GNG12: variants seen among roughly 807,000 people sequenced by gnomAD.
The protein encoded by GNG12 is G protein subunit gamma 12.
For synonymous variants in GNG12, 28 were observed against 29.7 expected, an observed-to-expected ratio of 0.94 and a Z score of 0.19; for missense variants, 69 against 83.8, an observed-to-expected ratio of 0.82 and a Z score of 0.69.
chr1:67,777,837 A>G (rs1293667769), intron 1 of GNG12, among the ~76,000 whole-genome samples: 1 of 152,104 alleles, frequency 6.6e-6, no homozygotes, highest in African/African-American at 2.4e-5. Flanking sequence ...TCTTTATGCT[A>G]GGGCCCAGCC....
chr1:67,803,239 C>T (rs555144349), intron 1 of GNG12, among the ~76,000 whole-genome samples: 4 of 152,266 alleles, frequency 2.6e-5, no homozygotes, highest in African/African-American at 9.6e-5. Context: ...GTTGGTTGGG[C>T]ACAGTGGCTC....
At chr1:67,816,775 C>T (rs1646955809) in intron 1 of GNG12, among the ~76,000 whole-genome samples, 1 of 152,186 alleles carries the variant, frequency 6.6e-6, no homozygotes, top group African/African-American at 2.4e-5. Context: ...CACCCGACAA[C>T]TCCCAGCTCA....
chr1:67,759,960 G>A (rs1254287736), intron 2 of GNG12, among the ~76,000 whole-genome samples: 1 of 152,180 alleles, frequency 6.6e-6, no homozygotes, highest in Non-Finnish European at 1.5e-5. Context: ...ACTGTTTAAG[G>A]GGCTATTTAA....
At chr1:67,705,621 C>T (rs1215867650) in intron 3 of GNG12, 45 bp from the exon 4 acceptor site, 1 of 1,587,134 alleles carries the variant, frequency 6.3e-7, no homozygotes, top group Non-Finnish European at 8.6e-7. Context: ...AAATATTTTA[C>T]TTGCACACTT....
rs185123152 is a variant in GNG12 at position 67,739,052 on chromosome 1, G to A, written c.-26-31340C>T. On this transcript the variant is annotated intron_variant, in intron 2 of 3. Transcript: ENST00000370982. ...AAATTAGCTGGGCGTGGTGGCAGGC[G>A]TCTGTAGTCCCAGCTACTTGGGAGG... Among the ~76,000 whole-genome samples, 11 of 152,220 alleles carry A rather than the reference G, an allele frequency of 7.2e-5. No homozygotes were observed. In the East Asian group the frequency reaches 1.5e-3, roughly 21 times the overall value.
intron 2 of GNG12, among the ~76,000 whole-genome samples, chr1:67,753,512 G>C (rs1646551144): frequency 6.6e-6 from 1 of 152,206 alleles, no homozygotes; most frequent in Non-Finnish European, 1.5e-5. Flanking sequence ...AAAGTAAGGA[G>C]TGGTGGGCAG....
chr1:67,706,191 G>A (rs1646246496), intron 3 of GNG12, among the ~76,000 whole-genome samples: 1 of 152,208 alleles, frequency 6.6e-6, no homozygotes, highest in Non-Finnish European at 1.5e-5. Context: ...GGTTTGAAAT[G>A]TCTCAAAATA....
chr1:67,814,268 C>T (rs917266905), intron 1 of GNG12, among the ~76,000 whole-genome samples: 10 of 152,216 alleles, frequency 6.6e-5, no homozygotes, highest in Non-Finnish European at 1.5e-4. Flanking sequence ...TGAGCCCTTC[C>T]TGTTTAGAAA....
chr1:67,732,192 T>C (rs1331230713), intron 2 of GNG12, among the ~76,000 whole-genome samples: 2 of 152,252 alleles, frequency 1.3e-5, no homozygotes, highest in African/African-American at 4.8e-5. Context: ...TAAAGGAGAA[T>C]GTTTAAAGTT....
rs1231574508 is a variant in GNG12, at chr1:67,833,385, G to A, written c.-118C>T. On this transcript the variant is annotated 5_prime_UTR_variant, in exon 1 of 4. Transcript: ENST00000370982. ...TGCCCCGCCGTCGCCGCCGGGACTC[G>A]GTCTCTAAGGGCTCCTGGAGACGGC... is the stretch of plus-strand genomic sequence containing the variant. The A allele has an allele frequency of 1.0e-6, 1 of 985,486 alleles. No individual in the cohort carries two copies. Among genetic ancestry groups the A allele is most frequent in the Non-Finnish European group, 1.2e-6 (1 of 830,074 alleles). The allele number at this position is 985,486 out of a possible 1,614,324, so 61.0% of individuals were successfully genotyped here. A position where few individuals can be genotyped will look rare whatever the true frequency, so the allele number is the denominator to read the frequency against.
intron 2 of GNG12, among the ~76,000 whole-genome samples, chr1:67,757,521 T>C (rs1213699567): frequency 1.3e-5 from 2 of 152,172 alleles, no homozygotes; most frequent in African/African-American, 2.4e-5. Context: ...TCCAGCTGCA[T>C]ACTGGAAAGG....
At chr1:67,724,110 G>A (rs1646372125) in intron 2 of GNG12, among the ~76,000 whole-genome samples, 1 of 152,224 alleles carries the variant, frequency 6.6e-6, no homozygotes, top group Non-Finnish European at 1.5e-5. Context: ...GGGCAGGAGG[G>A]TTGTTTCAGA....
At chr1:67,811,516 T>C (rs1173675208) in intron 1 of GNG12, among the ~76,000 whole-genome samples, 1 of 152,226 alleles carries the variant, frequency 6.6e-6, no homozygotes, top group African/African-American at 2.4e-5. Context: ...CACTCTGCAC[T>C]GGGTCACCCT....
chr1:67,739,003 A>T (rs1281332272), intron 2 of GNG12, among the ~76,000 whole-genome samples: 1 of 151,956 alleles, frequency 6.6e-6, no homozygotes, highest in Non-Finnish European at 1.5e-5. Flanking sequence ...ATATGGTAAA[A>T]CTCCATCATG....
intron 1 of GNG12, among the ~76,000 whole-genome samples, chr1:67,824,731 T>A (rs965357563): frequency 6.6e-6 from 1 of 152,048 alleles, no homozygotes; most frequent in African/African-American, 2.4e-5. Flanking sequence ...AAGGTGGAGT[T>A]CAACAGCTCA....
intron 2 of GNG12, among the ~76,000 whole-genome samples, chr1:67,755,852 T>C (rs1046715843): frequency 6.6e-6 from 1 of 152,136 alleles, no homozygotes; most frequent in African/African-American, 2.4e-5. Flanking sequence ...GCTAAATATA[T>C]CCTGGTTCTA....
At chr1:67,711,709 G>C (rs143939524) in intron 2 of GNG12, among the ~76,000 whole-genome samples, 2 of 152,208 alleles carry the variant, frequency 1.3e-5, no homozygotes, top group African/African-American at 4.8e-5. Flanking sequence ...TCTGTCTTTA[G>C]GCCGATAAGG....
chr1:67,803,661 G>A (rs554871771), intron 1 of GNG12, among the ~76,000 whole-genome samples: 107 of 152,246 alleles, frequency 7.0e-4, no homozygotes, highest in African/African-American at 2.5e-3. Flanking sequence ...ACAACCTTAC[G>A]AAGTTATGTT....
At chr1:67,754,547 C>T (rs1239475699) in intron 2 of GNG12, among the ~76,000 whole-genome samples, 2 of 152,198 alleles carry the variant, frequency 1.3e-5, no homozygotes, top group East Asian at 3.8e-4. Flanking sequence ...ATCACTGTAG[C>T]ACAGCCATGG....
Sources: gnomAD v4.1 joint callset for allele counts (sites outside exome capture counted in the v4.1 genomes callset) on GRCh38, gnomAD v4.1.1 for gene constraint, MANE v1.5 for transcripts, NCBI Gene and HGNC (gene_info 2026-07-23, HGNC 2026-07-21) for gene names.